Variants in FBXO43 observed in about 807,000 individuals in gnomAD.
FBXO43 encodes the protein F-box protein 43, also known as F-box only protein 43.
Under a neutral mutation model 56.7 loss-of-function variants are expected in FBXO43, and 22 were observed. The ratio of observed to expected loss-of-function variants is 0.39; its 90% CI spans 0.28 to 0.55. The LOEUF (loss-of-function observed/expected upper bound fraction) is 0.55. FBXO43 is among the 20% of genes least tolerant of loss of function. The pLI, the probability that FBXO43 is intolerant of heterozygous loss-of-function variation, is 0.66. For synonymous variants in FBXO43, 306 were observed against 294.5 expected, an observed-to-expected ratio of 1.04 and a Z score of -0.40; for missense variants, 733 against 814.9, an observed-to-expected ratio of 0.90 and a Z score of 1.22.
chr8:100,139,304 A>T (rs577983152), intron 2 of FBXO43, among the ~76,000 whole-genome samples: 8 of 151,806 alleles, frequency 5.3e-5, no homozygotes, highest in Admixed American at 1.3e-4. Flanking sequence ...CATAAAAACA[A>T]CAAGAACAGA....
At chr8:100,146,622 C>T (rs1814836714), upstream of FBXO43, among the ~76,000 whole-genome samples, 1 of 152,174 alleles carries the variant, frequency 6.6e-6, no homozygotes, top group African/African-American at 2.4e-5. Flanking sequence ...ACTCCTGCTG[C>T]TCTTGGCAGC....
rs1284109893 is a variant in FBXO43, at chr8:100,141,902, G to A, written c.352C>T (p.Pro118Ser). ...PETSGLGLTH[P>S]LESPTQKKKC... is the part of the protein sequence containing the mutation. ...TTTTTTTGAGTGGGAGATTCTAAAG[G>A]ATGTGTTAAGCCCAGGCCTGAAGTT... Residue 118 changes from proline to serine, a missense_variant, in exon 2 of 5, where the codon CCT becomes TCT. Pro to Ser is a moderately conservative substitution (Grantham distance 74). Coordinates refer to ENST00000428847, the MANE Select transcript of FBXO43 (RefSeq NM_001029860.4). 6.3e-7 allele frequency: 1 copy of A among 1,590,164 alleles called. No homozygotes were observed. The highest frequency in any genetic ancestry group is 1.9e-5 in the Admixed American group (1 of 53,924).
intron 2 of FBXO43, among the ~76,000 whole-genome samples, chr8:100,138,544 A>C (rs575895908): frequency 1.2e-4 from 18 of 152,328 alleles, no homozygotes; most frequent in African/African-American, 3.8e-4. Flanking sequence ...AGACATTGCA[A>C]CTGATCAACT....
intron 3 of FBXO43, among the ~76,000 whole-genome samples, chr8:100,135,424 G>GT (rs1335580964): frequency 1.3e-5 from 2 of 152,172 alleles, no homozygotes; most frequent in African/African-American, 4.8e-5. Flanking sequence ...AGAATCAAGA[G>GT]TATGAAGGCA....
Position 100,133,964 on chromosome 8 carries a change from C to T in FBXO43, c.1965G>A (p.Arg655=). The part of the protein sequence containing the change: ...SPAKYQPYKK[R]GLCSRTACGF... ...CACAGGCTGTTCGGCTACACAGTCC[C>T]CTTTTCTTATATGGCTGGTACTTAG... The change falls in exon 5 of 5, where the codon AGG becomes AGA. Residue 655 remains arginine, a synonymous_variant. Coordinates refer to ENST00000428847, the MANE Select transcript of FBXO43 (RefSeq NM_001029860.4). 6.2e-7 allele frequency: 1 copy of T among 1,614,150 alleles called. No individual in the cohort carries two copies. Among genetic ancestry groups the T allele is most frequent in the Admixed American group, 1.7e-5 (1 of 60,020 alleles).
chr8:100,135,612 T>G (rs567155647), intron 3 of FBXO43, among the ~76,000 whole-genome samples: 1 of 146,732 alleles, frequency 6.8e-6, no homozygotes, highest in East Asian at 1.9e-4. Context: ...AGGATATAAT[T>G]TTTTTTTTTT....
intron 1 of FBXO43, among the ~76,000 whole-genome samples, chr8:100,142,958 C>T (rs1240571264): frequency 6.6e-6 from 1 of 152,162 alleles, no homozygotes; most frequent in African/African-American, 2.4e-5. Context: ...TATGGGAAAA[C>T]CACCATTTAA....
chr8:100,139,299 AAAC>A (rs1375533747), intron 2 of FBXO43, among the ~76,000 whole-genome samples: 2 of 152,050 alleles, frequency 1.3e-5, no homozygotes, highest in Non-Finnish European at 2.9e-5. Flanking sequence ...GTGGCCATAA[AAAC>A]AACAAGAACA....
chr8:100,134,191 G>T lies in FBXO43; in HGVS notation c.1848C>A (p.His616Gln). Residue 616 changes from histidine (H) to glutamine (Q), a missense_variant, in exon 4 of 5, where the codon CAC becomes CAA. Coordinates refer to ENST00000428847, the MANE Select transcript of FBXO43 (RefSeq NM_001029860.4). ...CATATTCTTCCTGTTTACTACTTAA[G>T]TGAGTAACAGAAGAGCTTGCTAGAG... Reference protein sequence around the residue: ...LTPLASSSVTHLSSKQEEYVK... With the variant: ...LTPLASSSVTQLSSKQEEYVK... The T allele has an allele frequency of 1.2e-6, 2 of 1,614,068 alleles. No individual in the cohort carries two copies. The highest frequency in any genetic ancestry group is 1.7e-6 in the Non-Finnish European group (2 of 1,179,982).
chr8:100,140,595 C>G (rs1311797987), intron 2 of FBXO43, 88 bp downstream of exon 2: 1 of 1,074,826 alleles, frequency 9.3e-7, no homozygotes, highest in Non-Finnish European at 1.3e-6. Context: ...GATAATAAAA[C>G]AAAATAAAGG....
chr8:100,144,977 A>G, intron 1 of FBXO43, 74 bp downstream of exon 1: 9 of 1,460,756 alleles, frequency 6.2e-6, no homozygotes, highest in Non-Finnish European at 8.2e-6. Context: ...AAGAAAAAGC[A>G]CCTACCACAT....
At chr8:100,142,290 G>A in intron 1 of FBXO43, 122 bp from the exon 2 acceptor site, 1 of 988,002 alleles carries the variant, frequency 1.0e-6, no homozygotes, top group Non-Finnish European at 1.4e-6. Context: ...TTTTTGAAAA[G>A]TTACTTTAAA....
At position 100,141,707 on chromosome 8, in the gene FBXO43, C is replaced by T. The variant is rs748362105; in HGVS notation, c.547G>A (p.Val183Ile). The T allele has an allele frequency of 3.7e-5, 59 of 1,610,382 alleles. No individual in the cohort carries two copies. The highest frequency in any genetic ancestry group is 4.6e-5 in the Non-Finnish European group (54 of 1,177,526). Residue 183 changes from valine (V) to isoleucine (I), a missense_variant, in exon 2 of 5, where the codon GTT becomes ATT. Coordinates refer to ENST00000428847, the MANE Select transcript of FBXO43 (RefSeq NM_001029860.4). ...NSSLESSISQVINLEKNIPSS... is the reference protein window; with the variant it reads ...NSSLESSISQIINLEKNIPSS... Reference sequence around the variant, plus strand: ...GGAATATTTTTTTCTAAGTTGATAACTTGGCTTATACTACTTTCTAAAGAA... The same window carrying T: ...GGAATATTTTTTTCTAAGTTGATAATTTGGCTTATACTACTTTCTAAAGAA...
At chr8:100,138,602 G>A (rs1189184222) in intron 2 of FBXO43, among the ~76,000 whole-genome samples, 5 of 152,208 alleles carry the variant, frequency 3.3e-5, no homozygotes, top group Admixed American at 3.3e-4. Context: ...ATACTTTGCA[G>A]TACAAATACT....
chr8:100,141,431 C>T lies in FBXO43; in HGVS notation c.823G>A (p.Asp275Asn), dbSNP rs1814647920. ...DFSDSSLCINDENACPELLGS... is the reference protein window; with the variant it reads ...DFSDSSLCINNENACPELLGS... The stretch of plus-strand genomic sequence containing the variant: ...AGGAGCTCTGGACATGCATTCTCAT[C>T]ATTAATGCATAAACTGCTATCACTA... The change falls in exon 2 of 5, where the codon GAT (aspartate) becomes AAT (asparagine). Residue 275 changes from aspartate to asparagine, a missense_variant. Transcript: ENST00000428847. 1 of 1,613,370 alleles carries T rather than the reference C, an allele frequency of 6.2e-7. No individual in the cohort carries two copies. The highest frequency in any genetic ancestry group is 8.5e-7 in the Non-Finnish European group (1 of 1,179,920).
At chr8:100,143,447 T>G (rs1400195932) in intron 1 of FBXO43, among the ~76,000 whole-genome samples, 1 of 152,240 alleles carries the variant, frequency 6.6e-6, no homozygotes, top group Non-Finnish European at 1.5e-5. Flanking sequence ...AAAGATTATT[T>G]TTACTAAACA....
In FBXO43 at chr8:100,140,895, G is replaced by A; in HGVS notation, c.1359C>T (p.Ser453=). The A allele has an allele frequency of 6.2e-7, 1 of 1,614,014 alleles. No homozygotes were observed. The highest frequency in any genetic ancestry group is 8.5e-7 in the Non-Finnish European group (1 of 1,180,022). The change falls in exon 2 of 5, where the codon AGC becomes AGT. Residue 453 remains serine, a synonymous_variant. Transcript: ENST00000428847. ...LQLVHELFMK[S]KRKRLQENSG... is the part of the protein sequence containing the mutation. Reference sequence around the variant, plus strand: ...TATTTTCCTGTAATCTTTTCCTCTTGCTTTTCATGAACAGCTCATGTACCA... The same window carrying A: ...TATTTTCCTGTAATCTTTTCCTCTTACTTTTCATGAACAGCTCATGTACCA...
chr8:100,136,006 C>T lies in FBXO43; in HGVS notation c.1674+1559G>A, dbSNP rs185175967. Among the ~76,000 whole-genome samples, 66 of 150,684 alleles carry T rather than the reference C, an allele frequency of 4.4e-4. No homozygotes were observed. In the East Asian group the frequency reaches 0.011, roughly 24 times the overall value. On this transcript the variant is annotated intron_variant, in intron 3 of 4. Coordinates refer to ENST00000428847, the MANE Select transcript of FBXO43 (RefSeq NM_001029860.4). ...TTGCCAGCACAACAATATGCTTCTT[C>T]CTTAGAGGAGTTAAGGAGTATATGG...
rs761914311 is a variant in FBXO43 at position 100,145,775 on chromosome 8, C to A, written c.-640G>T. 1 of 152,360 alleles carries A rather than the reference C, an allele frequency of 6.6e-6. No homozygotes were observed. The highest frequency in any genetic ancestry group is 6.5e-5 in the Admixed American group (1 of 15,290). The allele number at this position is 152,360 out of a possible 1,614,324, so 9.4% of individuals were successfully genotyped here. A position where few individuals can be genotyped will look rare whatever the true frequency, so the allele number is the denominator to read the frequency against. ...GGGATGCGGGCTATGGCAACCCCCA[C>A]GCCAGCTTCGCGTGGGGCCGCTGCC... On this transcript the variant is annotated 5_prime_UTR_variant, in exon 1 of 5. Transcript: ENST00000428847.
Sources: allele counts gnomAD v4.1 joint callset (sites outside exome capture counted in the v4.1 genomes callset), GRCh38; gene constraint gnomAD v4.1.1; transcripts MANE v1.5; gene names NCBI Gene and HGNC (gene_info 2026-07-23, HGNC 2026-07-21).